Variants in NALF1 observed in about 807,000 individuals in gnomAD.
NALF1 encodes the protein family with sequence similarity 155 member A.
In NALF1, 3 loss-of-function variants were observed where a neutral mutation model predicts 48.4. That is an observed-to-expected ratio of 0.06 (90% CI 0.03 to 0.16). NALF1 has a LOEUF of 0.16. NALF1 is among the 10% of genes least tolerant of loss of function. NALF1 has a pLI of 1.00. For synonymous variants in NALF1, 262 were observed against 245.7 expected (o/e 1.07, Z -0.62); for missense variants, 526 against 571.5 (o/e 0.92, Z 0.81).
At chr13:107,849,046 A>C (rs1880244997) in intron 1 of NALF1, among the ~76,000 whole-genome samples, 1 of 152,200 alleles carries the variant, frequency 6.6e-6, no homozygotes. Flanking sequence ...GTTTACAACA[A>C]CACCCATTTT....
chr13:107,626,986 G>A (rs1879691049), intron 1 of NALF1, among the ~76,000 whole-genome samples: 1 of 152,080 alleles, frequency 6.6e-6, no homozygotes, highest in Admixed American at 6.6e-5. Flanking sequence ...CAATTTCAAA[G>A]TGGCACATTG....
intron 1 of NALF1, among the ~76,000 whole-genome samples, chr13:107,219,686 C>T (rs556240606): frequency 1.2e-4 from 19 of 152,144 alleles, no homozygotes; most frequent in South Asian, 2.1e-4. Flanking sequence ...ATAATACCAA[C>T]GCACTGAGTA....
chr13:107,568,377 G>T (rs960200020), intron 1 of NALF1, among the ~76,000 whole-genome samples: 3 of 152,196 alleles, frequency 2.0e-5, no homozygotes, highest in Non-Finnish European at 4.4e-5. Flanking sequence ...ATCATTTCCT[G>T]TTAGGGGCTA....
At chr13:107,274,770 A>G (rs1881246840) in intron 1 of NALF1, among the ~76,000 whole-genome samples, 1 of 152,162 alleles carries the variant, frequency 6.6e-6, no homozygotes, top group Non-Finnish European at 1.5e-5. Flanking sequence ...ACCCTTTAGT[A>G]TTATATTGGC....
Position 107,866,107 on chromosome 13 carries a change from G to A in NALF1, c.490C>T (p.Pro164Ser). Residue 164 changes from proline (P) to serine (S), a missense_variant, in exon 1 of 3, where the codon CCC (proline) becomes TCC (serine). By Grantham distance (74) the Pro-to-Ser change is moderately conservative (BLOSUM62 -1). Around this residue, in one of 2 missense-constraint regions of NALF1, gnomAD observed 373 missense variants for 355.5 expected, o/e 1.05. Transcript: ENST00000375915. The surrounding 1 kb of genome is among the most constrained non-coding windows in gnomAD (Gnocchi z 4.4). ...KALFLGNSAK[P>S]VWRLETCYPQ... ...TAACAAGTCTCCAGGCGCCACACGG[G>A]CTTGGCAGAGTTTCCTAGAAAAAGA... 6.2e-7 allele frequency: 1 copy of A among 1,612,822 alleles called. No homozygotes were observed. The highest frequency in any genetic ancestry group is 2.2e-5 in the East Asian group (1 of 44,860).
In NALF1 at chr13:107,790,762, G is replaced by T. The variant is rs1459404799; in HGVS notation, c.915+74920C>A. Among the ~76,000 whole-genome samples the T allele has an allele frequency of 3.3e-5, 5 of 152,072 alleles. No individual in the cohort carries two copies. The East Asian group carries it at 9.6e-4, about 29-fold the overall frequency. ...ATGGGTACAGTATTAAATGGATTTGGGGAAAAAATGCATAGAAAATGGGTG... is the reference window on the plus strand; with the variant it reads ...ATGGGTACAGTATTAAATGGATTTGTGGAAAAAATGCATAGAAAATGGGTG... On this transcript the variant is annotated intron_variant, in intron 1 of 2. Coordinates refer to ENST00000375915, the MANE Select transcript of NALF1 (RefSeq NM_001080396.3).
intron 1 of NALF1, among the ~76,000 whole-genome samples, chr13:107,765,464 C>A (rs74925815): frequency 6.6e-6 from 1 of 152,066 alleles, no homozygotes; most frequent in Non-Finnish European, 1.5e-5. Context: ...TATGGAAGTG[C>A]CATTTTATCT....
At chr13:107,645,680 C>CA (rs56187783) in intron 1 of NALF1, among the ~76,000 whole-genome samples, 3,262 of 132,192 alleles carry the variant, frequency 0.025, 75 homozygotes, top group African/African-American at 0.052. Context: ...TACTGGGAGA[C>CA]AAAAAAAAAA....
At chr13:107,271,528 G>A (rs1881164393) in intron 1 of NALF1, among the ~76,000 whole-genome samples, 2 of 152,020 alleles carry the variant, frequency 1.3e-5, no homozygotes, top group Admixed American at 1.3e-4. Flanking sequence ...TGGGGCTGCA[G>A]AGGAGGATGC....
intron 1 of NALF1, among the ~76,000 whole-genome samples, chr13:107,642,236 A>C (rs1185894643): frequency 6.6e-6 from 1 of 152,206 alleles, no homozygotes; most frequent in African/African-American, 2.4e-5. Context: ...TTACATTTTC[A>C]CTAAAAGTGA....
intron 1 of NALF1, among the ~76,000 whole-genome samples, chr13:107,666,404 T>A (rs1180529834): frequency 3.9e-5 from 6 of 152,172 alleles, no homozygotes; most frequent in African/African-American, 1.4e-4. Flanking sequence ...TTTCATCTCC[T>A]GTGACAATGC....
intron 1 of NALF1, among the ~76,000 whole-genome samples, chr13:107,232,690 G>C (rs572308581): frequency 6.6e-6 from 1 of 152,088 alleles, no homozygotes; most frequent in Non-Finnish European, 1.5e-5. Flanking sequence ...CACTTGCTTG[G>C]GCTGGATGCG....
At chr13:107,471,924 AAC>A (rs1246256735) in intron 1 of NALF1, among the ~76,000 whole-genome samples, 2 of 152,240 alleles carry the variant, frequency 1.3e-5, no homozygotes, top group African/African-American at 4.8e-5. Flanking sequence ...CAATTATTAA[AAC>A]AGTCAAGAAA....
chr13:107,566,648 A>G (rs910005847), intron 1 of NALF1, among the ~76,000 whole-genome samples: 2 of 152,214 alleles, frequency 1.3e-5, no homozygotes, highest in African/African-American at 4.8e-5. Flanking sequence ...ACATCTTCAG[A>G]ATGTGCTTTA....
intron 1 of NALF1, among the ~76,000 whole-genome samples, chr13:107,850,986 T>C (rs559487930): frequency 6.6e-6 from 1 of 152,254 alleles, no homozygotes; most frequent in East Asian, 1.9e-4. Context: ...GCCTAGGTGA[T>C]TTGTCGGAGG....
chr13:107,414,498 T>C (rs975736667), intron 1 of NALF1, among the ~76,000 whole-genome samples: 1 of 150,500 alleles, frequency 6.6e-6, no homozygotes, highest in African/African-American at 2.4e-5. Flanking sequence ...ATTTATTAAT[T>C]CTATTAAATA....
intron 1 of NALF1, among the ~76,000 whole-genome samples, chr13:107,240,901 T>C (rs1261612541): frequency 6.6e-6 from 1 of 151,970 alleles, no homozygotes; most frequent in African/African-American, 2.4e-5. Flanking sequence ...AATGGTGTCT[T>C]AGTTCTTTTT....
At chr13:107,293,555 A>G (rs1389707036) in intron 1 of NALF1, among the ~76,000 whole-genome samples, 1 of 152,180 alleles carries the variant, frequency 6.6e-6, no homozygotes, top group East Asian at 1.9e-4. Context: ...GGCTTCCCAG[A>G]AGAAACAACT....
intron 1 of NALF1, among the ~76,000 whole-genome samples, chr13:107,242,356 C>G (rs1002336785): frequency 6.6e-6 from 1 of 152,158 alleles, no homozygotes; most frequent in African/African-American, 2.4e-5. Context: ...CCCTTCTCCT[C>G]CTCAATGTCC....
Sources: allele counts gnomAD v4.1 joint callset (sites outside exome capture counted in the v4.1 genomes callset), GRCh38; gene constraint gnomAD v4.1.1; regional missense constraint gnomAD v4.1.1; non-coding constraint Gnocchi (gnomAD v3.1); transcripts MANE v1.5; gene names NCBI Gene and HGNC (gene_info 2026-07-23, HGNC 2026-07-21).